Variants in NELL2 observed in about 807,000 individuals in gnomAD.
NELL2 encodes neural EGFL like 2.
Under a neutral mutation model 109.6 loss-of-function variants are expected in NELL2, and 41 were observed. The ratio of observed to expected loss-of-function variants is 0.37; its 90% CI spans 0.29 to 0.49. NELL2 has a LOEUF of 0.49. Ranked by LOEUF, NELL2 falls within the 20% of genes least tolerant of loss-of-function variation. NELL2 has a pLI of 0.98. For missense variants in NELL2, 900 were observed against 1,008.3 expected, an observed-to-expected ratio of 0.89 and a Z score of 1.45; for synonymous variants, 355 against 344.7, an observed-to-expected ratio of 1.03 and a Z score of -0.33.
chr12:44,856,133 T>C (rs1305144764), intron 2 of NELL2, among the ~76,000 whole-genome samples: 2 of 152,174 alleles, frequency 1.3e-5, no homozygotes, highest in African/African-American at 2.4e-5. Context: ...GAAGAAACAA[T>C]GCAGAGACTC....
At chr12:44,609,964 T>C (rs913383534) in intron 14 of NELL2, among the ~76,000 whole-genome samples, 8 of 151,968 alleles carry the variant, frequency 5.3e-5, no homozygotes, top group Non-Finnish European at 8.8e-5. Flanking sequence ...GTAAATGTTA[T>C]ACTATGGGAG....
intron 2 of NELL2, among the ~76,000 whole-genome samples, chr12:44,822,416 T>C (rs1038560244): frequency 3.9e-5 from 6 of 152,214 alleles, no homozygotes; most frequent in Non-Finnish European, 7.3e-5. Context: ...AAAATTGATA[T>C]ACAAGTTTTG....
Position 44,912,463 on chromosome 12 carries a change from G to C in NELL2, c.38+1336C>G, listed in dbSNP as rs545666015. On this transcript the variant is annotated intron_variant, in intron 1 of 20. Coordinates refer to the NELL2 transcript ENST00000333837. The stretch of plus-strand genomic sequence containing the variant: ...TAATACACACTGAAAATCTCAAAAA[G>C]CTAATAGAATATGCAGTTTTCCAAA... Among the ~76,000 whole-genome samples the C allele has an allele frequency of 1.1e-4, 17 of 152,162 alleles. No homozygotes were observed. The South Asian group carries it at 3.5e-3, about 32-fold the overall frequency.
intron 9 of NELL2, among the ~76,000 whole-genome samples, chr12:44,755,725 C>T (rs950576705): frequency 2.6e-5 from 4 of 152,306 alleles, no homozygotes; most frequent in Middle Eastern, 3.4e-3. Context: ...TATGAACTAA[C>T]TTTCTCCCTA....
chr12:44,835,510 G>A (rs1434118396), intron 2 of NELL2, among the ~76,000 whole-genome samples: 1 of 152,194 alleles, frequency 6.6e-6, no homozygotes. Flanking sequence ...TCGTCCCAAA[G>A]CAGGCTGCAG....
chr12:44,517,363 C>A (rs1460023357), intron 19 of NELL2, among the ~76,000 whole-genome samples: 1 of 146,194 alleles, frequency 6.8e-6, no homozygotes, highest in Non-Finnish European at 1.5e-5. Context: ...ACCTACCCAC[C>A]AACTACTTTC....
chr12:44,874,994 A>G, intron 2 of NELL2: 1 of 485,192 alleles, frequency 2.1e-6, no homozygotes, highest in Non-Finnish European at 3.6e-6. Flanking sequence ...TAATTAAGGG[A>G]CTATCCATTA....
At chr12:44,582,741 T>A (rs1172002874) in intron 15 of NELL2, among the ~76,000 whole-genome samples, 1 of 152,012 alleles carries the variant, frequency 6.6e-6, no homozygotes, top group Non-Finnish European at 1.5e-5. Flanking sequence ...AGAGTATTGT[T>A]TGGTGCTATG....
In NELL2 at chr12:44,758,567, C is replaced by G. The variant is rs1940990632; in HGVS notation, c.994+16180G>C. ...AAAGAGGGGTCAAAATATGAAACAC[C>G]TTACTCAATGAATGTTGCAACATGT... On this transcript the variant is annotated intron_variant, in intron 9 of 19. Coordinates refer to ENST00000429094, the MANE Select transcript of NELL2 (RefSeq NM_001145108.2). Among the ~76,000 whole-genome samples the G allele has an allele frequency of 2.0e-5, 3 of 152,142 alleles. No homozygotes were observed. The South Asian group carries it at 6.2e-4, about 32-fold the overall frequency.
chr12:44,753,080 G>C (rs1358279095), intron 9 of NELL2, among the ~76,000 whole-genome samples: 30 of 152,038 alleles, frequency 2.0e-4, no homozygotes, highest in Non-Finnish European at 1.5e-5. Flanking sequence ...GCCTGCCCTA[G>C]AGTCTTGAAC....
chr12:44,772,244 CTG>C lies in NELL2; in HGVS notation c.994+2501_994+2502del, dbSNP rs554625721. Among the ~76,000 whole-genome samples the C allele has an allele frequency of 5.6e-3, 845 of 152,208 alleles. 21 individuals are homozygous for C. Among genetic ancestry groups the C allele is most frequent in the Admixed American group, 0.05 (757 of 15,280 alleles). ...GTGGAATTAACATAGGAAAATAAGA[CTG>C]TTTCTCCTCACATGCAATGGTGATA... On this transcript the variant is annotated intron_variant, in intron 9 of 19. Coordinates refer to ENST00000429094, the MANE Select transcript of NELL2 (RefSeq NM_001145108.2).
chr12:44,510,459 AT>A (rs1261445067), intron 19 of NELL2, among the ~76,000 whole-genome samples: 1 of 152,216 alleles, frequency 6.6e-6, no homozygotes, highest in Non-Finnish European at 1.5e-5. Context: ...TTGGCTTTTG[AT>A]GATTGAAATG....
intron 12 of NELL2, among the ~76,000 whole-genome samples, chr12:44,689,603 A>G (rs1032589978): frequency 4.6e-5 from 7 of 152,194 alleles, no homozygotes; most frequent in African/African-American, 1.7e-4. Flanking sequence ...AATAGTAACA[A>G]TAGATACTTG....
In NELL2 at chr12:44,548,574, G is replaced by A. The variant is rs184972577; in HGVS notation, c.1664-15853C>T. On this transcript the variant is annotated intron_variant, in intron 15 of 19. Transcript: ENST00000429094. ...AAAAAAAAACAAAAGAAAAAACCAA[G>A]AAGGAAAATAAAACACCAAGGAGAG... Among the ~76,000 whole-genome samples the A allele has an allele frequency of 4.1e-3, 611 of 150,594 alleles. 2 individuals are homozygous for A. Among genetic ancestry groups the A allele is most frequent in the Non-Finnish European group, 6.5e-3 (438 of 67,612 alleles).
chr12:44,774,569 A>G lies in NELL2; in HGVS notation c.994+178T>C, dbSNP rs573636170. The stretch of plus-strand genomic sequence containing the variant: ...AAAATTGTCCTACTGGAATAGGGGC[A>G]TAGCATTTTAAAATGGAAAAGAACT... On this transcript the variant is annotated intron_variant, in intron 9 of 19. Transcript: ENST00000429094. 114 of 593,380 alleles carry G rather than the reference A, an allele frequency of 1.9e-4. No homozygotes were observed. The Admixed American group carries it at 2.2e-3, about 11-fold the overall frequency. The allele number at this position is 593,380 out of a possible 1,614,324, so 36.8% of individuals were successfully genotyped here. A position where few individuals can be genotyped will look rare whatever the true frequency, so the allele number is the denominator to read the frequency against.
chr12:44,617,070 C>G, intron 13 of NELL2, among the ~76,000 whole-genome samples: 1 of 152,236 alleles, frequency 6.6e-6, no homozygotes, highest in Admixed American at 6.5e-5. Context: ...AAAAGTGGTA[C>G]TCCTTCCTTC....
At chr12:44,768,726 A>C (rs537149943) in intron 9 of NELL2, among the ~76,000 whole-genome samples, 22 of 150,392 alleles carry the variant, frequency 1.5e-4, no homozygotes, top group Admixed American at 7.3e-4. Context: ...TACGTAAAAC[A>C]ACACACCTTT....
At position 44,751,806 on chromosome 12, in the gene NELL2, A is replaced by T. The variant is rs140367772; in HGVS notation, c.994+22941T>A. On this transcript the variant is annotated intron_variant, in intron 9 of 19. Coordinates refer to ENST00000429094, the MANE Select transcript of NELL2 (RefSeq NM_001145108.2). ...ACTGATAATTTTGCTATAAAATTAC[A>T]AAAATAAGCTATTCTAAGCTTTAGT... is the stretch of plus-strand genomic sequence containing the variant. Among the ~76,000 whole-genome samples the T allele has an allele frequency of 1.6e-4, 25 of 152,338 alleles. No homozygotes were observed. In the East Asian group the frequency reaches 4.6e-3, roughly 28 times the overall value.
At chr12:44,903,101 G>A (rs937505713) in intron 1 of NELL2, among the ~76,000 whole-genome samples, 1 of 152,160 alleles carries the variant, frequency 6.6e-6, no homozygotes, top group Non-Finnish European at 1.5e-5. Flanking sequence ...TATCATCAGA[G>A]TGAACAGGCA....
Sources: gnomAD v4.1 joint callset for allele counts (sites outside exome capture counted in the v4.1 genomes callset) on GRCh38, gnomAD v4.1.1 for gene constraint, MANE v1.5 for transcripts, NCBI Gene and HGNC (gene_info 2026-07-23, HGNC 2026-07-21) for gene names.